Variants in CADPS2 observed in about 807,000 individuals in gnomAD.
CADPS2 encodes calcium-dependent secretion activator 2.
CADPS2 carries 93 observed loss-of-function variants against 172.5 expected under a neutral mutation model. The ratio of observed to expected loss-of-function variants is 0.54; its 90% CI spans 0.46 to 0.64. The LOEUF (loss-of-function observed/expected upper bound fraction) is 0.64. CADPS2 is among the 30% of genes least tolerant of loss of function. CADPS2 has a pLI of 0.00. For synonymous variants in CADPS2, 546 were observed against 555.2 expected (o/e 0.98, Z 0.23); for missense variants, 1,420 against 1,565.9 (o/e 0.91, Z 1.57).
chr7:122,580,503 A>C (rs951132636), intron 7 of CADPS2, among the ~76,000 whole-genome samples: 1 of 151,900 alleles, frequency 6.6e-6, no homozygotes, highest in South Asian at 2.1e-4. Flanking sequence ...AGACATCTTC[A>C]TATAGACTAC....
intron 8 of CADPS2, among the ~76,000 whole-genome samples, chr7:122,523,610 T>A (rs1489745595): frequency 2.6e-5 from 4 of 152,166 alleles, no homozygotes; most frequent in Non-Finnish European, 5.9e-5. Context: ...GTGTGCAACA[T>A]GTTTTGAAAT....
chr7:122,339,255 A>T (rs1192752417), intron 28 of CADPS2, among the ~76,000 whole-genome samples: 1 of 152,194 alleles, frequency 6.6e-6, no homozygotes, highest in African/African-American at 2.4e-5. Flanking sequence ...GTATTGTGAA[A>T]GTTCTATTTA....
At chr7:122,356,619 C>G (rs548294868) in intron 27 of CADPS2, among the ~76,000 whole-genome samples, 12 of 152,300 alleles carry the variant, frequency 7.9e-5, no homozygotes, top group Non-Finnish European at 1.6e-4. Flanking sequence ...TGGAGTTCTT[C>G]TGCATGGGAG....
At chr7:122,681,757 A>T (rs530803321) in intron 2 of CADPS2, 6 of 537,624 alleles carry the variant, frequency 1.1e-5, no homozygotes, top group Non-Finnish European at 1.9e-5. Flanking sequence ...AAAGAAAGAA[A>T]AAAAACAACA....
intron 17 of CADPS2, among the ~76,000 whole-genome samples, chr7:122,435,194 G>A (rs2050474713): frequency 6.6e-6 from 1 of 152,046 alleles, no homozygotes; most frequent in Admixed American, 6.6e-5. Flanking sequence ...AACAGCAATG[G>A]AAACAACAAA....
chr7:122,736,900 T>C, intron 2 of CADPS2, 55 bp downstream of exon 2: 1 of 923,112 alleles, frequency 1.1e-6, no homozygotes, highest in East Asian at 2.5e-5. Context: ...ATAAAAATAA[T>C]AAAACTCCTT....
At chr7:122,433,147 C>CGT (rs112891927) in intron 17 of CADPS2, among the ~76,000 whole-genome samples, 7,840 of 148,914 alleles carry the variant, frequency 0.053, 486 homozygotes, top group African/African-American at 0.15. Context: ...CTATTTGAGG[C>CGT]GTGTGTGTGT....
intron 8 of CADPS2, among the ~76,000 whole-genome samples, chr7:122,526,654 T>C (rs932743300): frequency 1.3e-5 from 2 of 152,226 alleles, no homozygotes; most frequent in African/African-American, 2.4e-5. Context: ...TATTTTTAAA[T>C]TGATTTAGTT....
At chr7:122,325,111 A>G (rs2150728906) in intron 29 of CADPS2, among the ~76,000 whole-genome samples, 1 of 152,256 alleles carries the variant, frequency 6.6e-6, no homozygotes, top group Middle Eastern at 3.4e-3. Flanking sequence ...ATAGTACAAA[A>G]GCCCTCACAA....
chr7:122,320,169 C>CCTT lies in CADPS2; in HGVS notation c.3884_3886dup (p.Glu1295dup), dbSNP rs772121159. 2.3e-5 allele frequency: 37 copies of CCTT among 1,600,280 alleles called. No individual in the cohort carries two copies. The highest frequency in any genetic ancestry group is 3.0e-5 in the Non-Finnish European group (35 of 1,173,984). ...CTTCTGCAAAGCTGTGTGATATCAG[C>CCTT]CTTCTTCTTCTTCGTCACTGTCTTT... On this transcript the variant is annotated inframe_insertion, in exon 30 of 30. Coordinates refer to ENST00000449022, the MANE Select transcript of CADPS2 (RefSeq NM_017954.11).
chr7:122,373,828 GAATT>G lies in CADPS2; in HGVS notation c.3387+5536_3387+5539del, dbSNP rs1341422348. 2.6e-5 allele frequency among the ~76,000 whole-genome samples: 4 copies of G among 151,958 alleles called. No individual in the cohort carries two copies. The East Asian group carries it at 7.7e-4, about 29-fold the overall frequency. ...TGAATTCCACCAAACATTTAAAGAA[GAATT>G]AATGCCAATTCTCTTTAAACACTAC... On this transcript the variant is annotated intron_variant, in intron 25 of 29. Coordinates refer to ENST00000449022, the MANE Select transcript of CADPS2 (RefSeq NM_017954.11).
At chr7:122,623,156 CA>C (rs1299929854) in intron 4 of CADPS2, among the ~76,000 whole-genome samples, 1 of 144,054 alleles carries the variant, frequency 6.9e-6, no homozygotes, top group Non-Finnish European at 1.5e-5. Context: ...CAGTTTGAAG[CA>C]ACATTCCAAA....
At chr7:122,649,572 A>G (rs1284100468) in intron 3 of CADPS2, among the ~76,000 whole-genome samples, 3 of 152,188 alleles carry the variant, frequency 2.0e-5, no homozygotes, top group Non-Finnish European at 4.4e-5. Flanking sequence ...CCAAGTATTA[A>G]AGCTCTTCTA....
chr7:122,382,088 C>T (rs2043084592), intron 24 of CADPS2: 1 of 152,128 alleles, frequency 6.6e-6, no homozygotes, highest in Non-Finnish European at 1.5e-5. Context: ...CAATAACTCA[C>T]ATATGCCATA....
chr7:122,363,827 AT>A (rs1379700528), intron 25 of CADPS2, among the ~76,000 whole-genome samples: 1 of 152,172 alleles, frequency 6.6e-6, no homozygotes, highest in Non-Finnish European at 1.5e-5. Context: ...TCACAAGTTA[AT>A]GGGGGCTGCC....
rs183121825 is a variant in CADPS2 at position 122,865,312 on chromosome 7, T to C, written c.339+20687A>G. Reference sequence around the variant, plus strand: ...CTGCAGAATCTCTTACCTTTATAAATTGCCCAGCCTCAGGTATTTCTTTAC... The same window carrying C: ...CTGCAGAATCTCTTACCTTTATAAACTGCCCAGCCTCAGGTATTTCTTTAC... On this transcript the variant is annotated intron_variant, in intron 1 of 29. Transcript: ENST00000449022. Among the ~76,000 whole-genome samples, 425 of 152,268 alleles carry C rather than the reference T, an allele frequency of 2.8e-3. 2 individuals carry two copies. Among genetic ancestry groups the C allele is most frequent in the African/African-American group, 9.9e-3 (410 of 41,558 alleles).
At chr7:122,452,084 TG>T (rs1349223234) in intron 14 of CADPS2, among the ~76,000 whole-genome samples, 1 of 114,956 alleles carries the variant, frequency 8.7e-6, no homozygotes, top group Non-Finnish European at 2.3e-5. Flanking sequence ...GAAATCAATG[TG>T]AGTTTCATCA....
intron 2 of CADPS2, among the ~76,000 whole-genome samples, chr7:122,670,714 T>C (rs1045112299): frequency 2.6e-5 from 4 of 151,716 alleles, no homozygotes; most frequent in Non-Finnish European, 5.9e-5. Flanking sequence ...TTGATCAGGC[T>C]GGTCTCGAAC....
At chr7:122,359,260 T>C (rs2039822511) in intron 27 of CADPS2, among the ~76,000 whole-genome samples, 1 of 152,030 alleles carries the variant, frequency 6.6e-6, no homozygotes, top group Admixed American at 6.5e-5. Flanking sequence ...AGAACGAGGA[T>C]TAATGGGTAA....
Sources: allele counts gnomAD v4.1 joint callset (sites outside exome capture counted in the v4.1 genomes callset), GRCh38; gene constraint gnomAD v4.1.1; transcripts MANE v1.5; gene names NCBI Gene and HGNC (gene_info 2026-07-23, HGNC 2026-07-21).